FHIP1A: variants seen among roughly 807,000 people sequenced by gnomAD.
FHIP1A encodes FHF complex subunit HOOK-interacting protein 1A.
In FHIP1A, 61 loss-of-function variants were observed where a neutral mutation model predicts 88.6. The observed-to-expected ratio is 0.69, with a 90% CI of 0.56 to 0.85. The LOEUF (loss-of-function observed/expected upper bound fraction) is 0.85, where lower values mean the gene tolerates loss of function less well. Ranked by LOEUF, FHIP1A falls within the 40% of genes least tolerant of loss-of-function variation. The pLI, the probability that FHIP1A is intolerant of heterozygous loss-of-function variation, is 0.00. For synonymous variants in FHIP1A, 478 were observed against 496.0 expected (o/e 0.96, Z 0.48); for missense variants, 1,154 against 1,273.5 (o/e 0.91, Z 1.43).
At chr4:151,412,628 C>CTCCT (rs1732705743) in intron 1 of FHIP1A, among the ~76,000 whole-genome samples, 2 of 129,838 alleles carry the variant, frequency 1.5e-5, no homozygotes, top group African/African-American at 5.7e-5. Context: ...CCCTCCCTCC[C>CTCCT]TCCCTCCCTC....
intron 2 of FHIP1A, among the ~76,000 whole-genome samples, chr4:151,477,346 T>C (rs1419627468): frequency 6.6e-6 from 1 of 152,180 alleles, no homozygotes; most frequent in Admixed American, 6.5e-5. Context: ...TTTGCAGCAG[T>C]ATCTCAAATG....
At chr4:151,571,001 C>T (rs1448200526) in intron 4 of FHIP1A, among the ~76,000 whole-genome samples, 1 of 152,058 alleles carries the variant, frequency 6.6e-6, no homozygotes, top group African/African-American at 2.4e-5. Flanking sequence ...TTGTTTTTAT[C>T]TGAATGGAAA....
At chr4:151,411,348 TA>T (rs201341439) in intron 1 of FHIP1A, among the ~76,000 whole-genome samples, 297 of 9,764 alleles carry the variant, frequency 0.03, 6 homozygotes, top group African/African-American at 0.14. Flanking sequence ...ATTATATATA[TA>T]TTTTTTTTTT....
intron 9 of FHIP1A, 142 bp from the exon 10 acceptor site, chr4:151,646,416 T>C (rs1445089216): frequency 1.7e-6 from 1 of 586,192 alleles, no homozygotes; most frequent in African/African-American, 1.9e-5. Flanking sequence ...TGAACCCTGG[T>C]GGCTGGTGAG....
At chr4:151,573,991 T>C (rs1733692724) in intron 4 of FHIP1A, among the ~76,000 whole-genome samples, 2 of 152,208 alleles carry the variant, frequency 1.3e-5, no homozygotes, top group Non-Finnish European at 2.9e-5. Flanking sequence ...AGAAGCTTCT[T>C]AGGCATTCCC....
chr4:151,573,917 T>C (rs983706381), intron 4 of FHIP1A, among the ~76,000 whole-genome samples: 1 of 152,130 alleles, frequency 6.6e-6, no homozygotes, highest in South Asian at 2.1e-4. Flanking sequence ...ACTATTGGAG[T>C]GACAAACTTG....
chr4:151,437,124 T>C (rs1728233960), intron 1 of FHIP1A, among the ~76,000 whole-genome samples: 1 of 152,188 alleles, frequency 6.6e-6, no homozygotes, highest in African/African-American at 2.4e-5. Flanking sequence ...TTGAGTGTAG[T>C]ACTCTTTATA....
At chr4:151,564,649 T>G (rs530466064) in intron 3 of FHIP1A, among the ~76,000 whole-genome samples, 3 of 152,212 alleles carry the variant, frequency 2.0e-5, no homozygotes, top group Non-Finnish European at 4.4e-5. Flanking sequence ...AATTTTAGTT[T>G]GGGGAATTCA....
At chr4:151,465,330 C>T (rs568067335) in intron 2 of FHIP1A, among the ~76,000 whole-genome samples, 10 of 152,036 alleles carry the variant, frequency 6.6e-5, no homozygotes, top group Admixed American at 3.9e-4. Context: ...CCAGCGAGAT[C>T]GAATCCCTGA....
At chr4:151,461,335 C>T (rs1487884808) in intron 2 of FHIP1A, among the ~76,000 whole-genome samples, 2 of 152,100 alleles carry the variant, frequency 1.3e-5, no homozygotes, top group Non-Finnish European at 2.9e-5. Context: ...GCCAGGTTTC[C>T]CAGCAAATGG....
intron 3 of FHIP1A, among the ~76,000 whole-genome samples, chr4:151,497,343 T>C (rs1452255719): frequency 6.6e-6 from 1 of 152,240 alleles, no homozygotes; most frequent in Non-Finnish European, 1.5e-5. Context: ...AATGTAGATT[T>C]CCCCAAACTA....
intron 3 of FHIP1A, among the ~76,000 whole-genome samples, chr4:151,495,506 AAAAG>A (rs1355973437): frequency 6.6e-6 from 1 of 151,856 alleles, no homozygotes; most frequent in Non-Finnish European, 1.5e-5. Flanking sequence ...TTTCAAAAAA[AAAAG>A]AAAGTAAAGA....
chr4:151,511,468 G>A (rs960058558), intron 3 of FHIP1A, among the ~76,000 whole-genome samples: 5 of 152,212 alleles, frequency 3.3e-5, no homozygotes, highest in South Asian at 2.1e-4. Context: ...TGCGCGAGCC[G>A]AAGCAGGGCA....
chr4:151,554,880 A>C (rs1247405275), intron 3 of FHIP1A, among the ~76,000 whole-genome samples: 1 of 152,182 alleles, frequency 6.6e-6, no homozygotes, highest in African/African-American at 2.4e-5. Context: ...CCTTGTAGTT[A>C]GTGTGCGTAG....
intron 7 of FHIP1A, among the ~76,000 whole-genome samples, chr4:151,603,064 G>A (rs1361968015): frequency 1.3e-5 from 2 of 152,152 alleles, no homozygotes; most frequent in Non-Finnish European, 2.9e-5. Flanking sequence ...TGTAATCCCA[G>A]CACTTTGGGA....
intron 8 of FHIP1A, among the ~76,000 whole-genome samples, chr4:151,634,104 A>G (rs1369731148): frequency 6.6e-6 from 1 of 152,030 alleles, no homozygotes; most frequent in East Asian, 1.9e-4. Context: ...GTCAACGCAC[A>G]TAAGTAATTT....
chr4:151,574,865 T>A (rs1733724223), intron 4 of FHIP1A, among the ~76,000 whole-genome samples: 1 of 152,210 alleles, frequency 6.6e-6, no homozygotes, highest in Admixed American at 6.6e-5. Flanking sequence ...TGATATAACA[T>A]ATTTTGATTC....
At chr4:151,494,657 T>C (rs1481371950) in intron 3 of FHIP1A, among the ~76,000 whole-genome samples, 1 of 152,226 alleles carries the variant, frequency 6.6e-6, no homozygotes, top group African/African-American at 2.4e-5. Flanking sequence ...ATTTGGGCTT[T>C]TTTGAGGTTT....
chr4:151,607,859 C>T (rs2126840397), intron 7 of FHIP1A, among the ~76,000 whole-genome samples: 1 of 152,258 alleles, frequency 6.6e-6, no homozygotes, highest in Non-Finnish European at 1.5e-5. Context: ...TAAAGTGAGA[C>T]ATCCTTCACA....
Sources: gnomAD v4.1 joint callset for allele counts (sites outside exome capture counted in the v4.1 genomes callset) on GRCh38, gnomAD v4.1.1 for gene constraint, MANE v1.5 for transcripts, NCBI Gene and HGNC (gene_info 2026-07-23, HGNC 2026-07-21) for gene names.